CAST: variants seen among roughly 807,000 people sequenced by gnomAD.
The protein encoded by CAST is calpastatin.
CAST carries 76 observed loss-of-function variants against 119.6 expected under a neutral mutation model. The observed-to-expected ratio is 0.64, with a 90% CI of 0.53 to 0.77. The LOEUF (loss-of-function observed/expected upper bound fraction) is 0.77, where lower values mean the gene tolerates loss of function less well. Ranked by LOEUF, CAST falls within the 30% of genes least tolerant of loss-of-function variation. CAST has a pLI of 0.00. For synonymous variants in CAST, 319 were observed against 331.6 expected, an observed-to-expected ratio of 0.96 and a Z score of 0.41; for missense variants, 953 against 946.5, an observed-to-expected ratio of 1.01 and a Z score of -0.09.
At chr5:96,614,327 C>T (rs933132842) in intron 1 of CAST, among the ~76,000 whole-genome samples, 1 of 152,148 alleles carries the variant, frequency 6.6e-6, no homozygotes, top group Admixed American at 6.5e-5. Flanking sequence ...GCCTTTCACT[C>T]CTGATGCTGT....
intron 1 of CAST, among the ~76,000 whole-genome samples, chr5:96,608,145 A>G (rs1747295562): frequency 6.6e-6 from 1 of 152,142 alleles, no homozygotes; most frequent in South Asian, 2.1e-4. Context: ...TCTAGTCTCT[A>G]CATCTACAAG....
chr5:96,252,802 A>G, the CAST span, among the ~76,000 whole-genome samples: 18 of 152,158 alleles, frequency 1.2e-4, no homozygotes, highest in South Asian at 6.2e-4. Context: ...TGATTCATGC[A>G]TTGCAGATCT....
intron 1 of CAST, among the ~76,000 whole-genome samples, chr5:96,580,282 A>C (rs999142868): frequency 6.6e-6 from 1 of 152,244 alleles, no homozygotes; most frequent in African/African-American, 2.4e-5. Context: ...CGTAAATCAG[A>C]ATTATGAATT....
the CAST span, among the ~76,000 whole-genome samples, chr5:96,455,073 A>G: frequency 6.6e-6 from 1 of 152,260 alleles, no homozygotes; most frequent in East Asian, 1.9e-4. Flanking sequence ...AAAAATAATA[A>G]CGCAGGCATA....
At chr5:96,433,152 C>T in the CAST span, 1 of 1,028,620 alleles carries the variant, frequency 9.7e-7, no homozygotes, top group South Asian at 1.3e-5. Context: ...TAGACCACTC[C>T]TGGCTCCTGG....
the CAST span, among the ~76,000 whole-genome samples, chr5:96,308,406 C>T: frequency 6.6e-6 from 1 of 151,914 alleles, no homozygotes; most frequent in Non-Finnish European, 1.5e-5. Context: ...GAACATGCTC[C>T]TTTAGCTCTG....
the CAST span, among the ~76,000 whole-genome samples, chr5:96,354,070 T>C: frequency 1.3e-5 from 2 of 152,172 alleles, no homozygotes; most frequent in Non-Finnish European, 2.9e-5. Context: ...CCACATTCAA[T>C]ACATTGGTAA....
At chr5:96,725,012 G>A (rs1214063827) in intron 4 of CAST, among the ~76,000 whole-genome samples, 5 of 152,126 alleles carry the variant, frequency 3.3e-5, no homozygotes, top group Middle Eastern at 3.4e-3. Flanking sequence ...TATTTCAAGC[G>A]TGGCCTGTTA....
intron 1 of CAST, among the ~76,000 whole-genome samples, chr5:96,674,614 C>A (rs184689650): frequency 6.6e-6 from 1 of 152,184 alleles, no homozygotes; most frequent in East Asian, 1.9e-4. Context: ...CTTATTTTAT[C>A]TTATCGCCAA....
intron 1 of CAST, among the ~76,000 whole-genome samples, chr5:96,632,032 A>G (rs1457789498): frequency 5.3e-5 from 8 of 151,408 alleles, no homozygotes; most frequent in Non-Finnish European, 1.0e-4. Flanking sequence ...AAAAATTATT[A>G]TTATTATTAT....
chr5:96,555,143 T>A (rs953017514), intron 1 of CAST, among the ~76,000 whole-genome samples: 13 of 152,180 alleles, frequency 8.5e-5, no homozygotes. Flanking sequence ...CAAAGACTTG[T>A]AACCAACCCA....
chr5:96,179,394 A>G, the CAST span, among the ~76,000 whole-genome samples: 1 of 152,118 alleles, frequency 6.6e-6, no homozygotes, highest in African/African-American at 2.4e-5. Context: ...ATTTTGATTC[A>G]GCTATTACCT....
intron 3 of CAST, among the ~76,000 whole-genome samples, chr5:96,699,088 A>G (rs1182812523): frequency 6.6e-6 from 1 of 152,222 alleles, no homozygotes; most frequent in African/African-American, 2.4e-5. Flanking sequence ...TTAGTGTAAA[A>G]TATTTAGTTC....
the CAST span, among the ~76,000 whole-genome samples, chr5:96,262,087 T>G: frequency 6.6e-6 from 1 of 152,230 alleles, no homozygotes; most frequent in South Asian, 2.1e-4. Context: ...ACTTGAAGTT[T>G]TCTTGGGAAA....
intron 1 of CAST, among the ~76,000 whole-genome samples, chr5:96,603,324 C>T (rs1747191152): frequency 6.6e-6 from 1 of 152,144 alleles, no homozygotes; most frequent in South Asian, 2.1e-4. Context: ...GCAAATGCAT[C>T]GTTCAGCTGT....
the CAST span, among the ~76,000 whole-genome samples, chr5:96,162,820 T>C: frequency 6.6e-6 from 1 of 152,244 alleles, no homozygotes; most frequent in Non-Finnish European, 1.5e-5. Context: ...TATTTGTTGA[T>C]GATTTTTGTG....
chr5:96,612,207 G>A (rs1176171652), intron 1 of CAST, among the ~76,000 whole-genome samples: 1 of 152,114 alleles, frequency 6.6e-6, no homozygotes, highest in African/African-American at 2.4e-5. Context: ...TGGCTTAGAT[G>A]AAGAATATGA....
chr5:96,368,819 T>C, the CAST span, among the ~76,000 whole-genome samples: 4 of 152,144 alleles, frequency 2.6e-5, no homozygotes, highest in East Asian at 7.7e-4. Flanking sequence ...CTTGCTTGTC[T>C]AAAAATAATT....
the CAST span, among the ~76,000 whole-genome samples, chr5:96,406,279 A>G: frequency 6.6e-6 from 1 of 151,968 alleles, no homozygotes. Flanking sequence ...GTTCCTTGCA[A>G]TTTTCACTGC....
Sources: gnomAD v4.1 joint callset for allele counts (sites outside exome capture counted in the v4.1 genomes callset) on GRCh38, gnomAD v4.1.1 for gene constraint, MANE v1.5 for transcripts, NCBI Gene and HGNC (gene_info 2026-07-23, HGNC 2026-07-21) for gene names.